Variants in WARS2 observed in about 807,000 individuals in gnomAD.
The protein encoded by WARS2 is tryptophan--tRNA ligase, mitochondrial.
In WARS2, 28 loss-of-function variants were observed where a neutral mutation model predicts 36.5. That is an observed-to-expected ratio of 0.77 (90% CI 0.57 to 1.05). WARS2 has a LOEUF of 1.05. Among genes scored for constraint, WARS2 ranks in the 50% least tolerant of loss-of-function variants. The probability of loss-of-function intolerance (pLI) is 0.00; values close to 1 mark genes in which losing one functional copy is unlikely to be tolerated. For synonymous variants in WARS2, 174 were observed against 178.4 expected (o/e 0.98, Z 0.20); for missense variants, 435 against 456.8 (o/e 0.95, Z 0.44).
intron 1 of WARS2, among the ~76,000 whole-genome samples, chr1:119,114,316 G>C (rs909350694): frequency 2.6e-5 from 4 of 152,202 alleles, no homozygotes; most frequent in African/African-American, 4.8e-5. Flanking sequence ...TGGAAGCTAT[G>C]AGTATGTGTA....
chr1:119,097,682 AT>A (rs1653537335), intron 1 of WARS2, among the ~76,000 whole-genome samples: 2 of 152,172 alleles, frequency 1.3e-5, no homozygotes. Context: ...CTTTTCCTAC[AT>A]GTCCACTACC....
intron 3 of WARS2, among the ~76,000 whole-genome samples, chr1:119,043,626 T>C (rs1648553706): frequency 6.6e-6 from 1 of 152,214 alleles, no homozygotes. Flanking sequence ...ACAAAGTTCA[T>C]GATAAAGGCT....
At chr1:119,128,387 C>T (rs1376494902) in intron 1 of WARS2, among the ~76,000 whole-genome samples, 1 of 151,934 alleles carries the variant, frequency 6.6e-6, no homozygotes, top group Non-Finnish European at 1.5e-5. Context: ...TTTATCTTAC[C>T]ATGTCACTAT....
At chr1:119,058,955 T>C (rs907580855) in intron 2 of WARS2, among the ~76,000 whole-genome samples, 2 of 152,076 alleles carry the variant, frequency 1.3e-5, no homozygotes, top group South Asian at 2.1e-4. Flanking sequence ...TTTCTCCACA[T>C]CCTCTCCAGG....
rs368451564 is a variant in WARS2 at position 119,076,450 on chromosome 1, T to C, written c.248A>G (p.Gln83Arg). Reference protein sequence around the residue: ...IVDLHSITVPQDPAVLRQSIL... With the variant: ...IVDLHSITVPRDPAVLRQSIL... ...GCTCTGCCGAAGGACAGCTGGGTCT[T>C]GGGGGACAGTAATGGAGTGGAGGTC... Residue 83 changes from glutamine (Q) to arginine (R), a missense_variant, in exon 2 of 6, where the codon CAA becomes CGA. Coordinates refer to ENST00000235521, the MANE Select transcript of WARS2 (RefSeq NM_015836.4). 4.3e-5 allele frequency: 70 copies of C among 1,614,126 alleles called. No homozygotes were observed. The African/African-American group carries it at 8.5e-4, about 20-fold the overall frequency.
At chr1:119,045,461 G>T in intron 3 of WARS2, 121 bp downstream of exon 3, 1 of 783,968 alleles carries the variant, frequency 1.3e-6, no homozygotes, top group Non-Finnish European at 2.1e-6. Flanking sequence ...GGTTAAAGAT[G>T]ATGTTCCAAC....
At chr1:119,092,718 A>T (rs1481706089) in intron 1 of WARS2, among the ~76,000 whole-genome samples, 1 of 152,228 alleles carries the variant, frequency 6.6e-6, no homozygotes, top group Non-Finnish European at 1.5e-5. Flanking sequence ...CATCACCTGA[A>T]ATAAAAATTT....
intron 2 of WARS2, among the ~76,000 whole-genome samples, chr1:119,047,180 T>A (rs1045474620): frequency 6.6e-6 from 1 of 152,204 alleles, no homozygotes; most frequent in Non-Finnish European, 1.5e-5. Context: ...ACCCTGGATG[T>A]AGGCAAGAGG....
chr1:119,037,962 T>G (rs1466858320), intron 4 of WARS2, among the ~76,000 whole-genome samples: 2 of 152,274 alleles, frequency 1.3e-5, no homozygotes, highest in Non-Finnish European at 2.9e-5. Flanking sequence ...ACTCATTCTC[T>G]GTATTTTAAT....
intron 1 of WARS2, among the ~76,000 whole-genome samples, chr1:119,111,611 T>G (rs1654641523): frequency 6.6e-6 from 1 of 152,196 alleles, no homozygotes; most frequent in South Asian, 2.1e-4. Flanking sequence ...ATATTTGTTG[T>G]GAGAACCTGG....
chr1:119,104,395 G>C (rs1477425432), intron 1 of WARS2, among the ~76,000 whole-genome samples: 2 of 150,740 alleles, frequency 1.3e-5, no homozygotes, highest in Admixed American at 6.6e-5. Flanking sequence ...TATAAATATA[G>C]AAAAGTCAAA....
At chr1:119,087,328 C>A (rs1296075762) in intron 1 of WARS2, among the ~76,000 whole-genome samples, 1 of 152,166 alleles carries the variant, frequency 6.6e-6, no homozygotes, top group Non-Finnish European at 1.5e-5. Context: ...TCCTTTCTCC[C>A]ATACTTTAGT....
At chr1:119,113,722 C>A (rs1029300748) in intron 1 of WARS2, among the ~76,000 whole-genome samples, 1 of 152,076 alleles carries the variant, frequency 6.6e-6, no homozygotes, top group African/African-American at 2.4e-5. Flanking sequence ...AGTTTACCTT[C>A]TCATGGAGAT....
chr1:119,071,104 A>G (rs1349385730), intron 2 of WARS2, among the ~76,000 whole-genome samples: 2 of 152,054 alleles, frequency 1.3e-5, no homozygotes, highest in Non-Finnish European at 2.9e-5. Flanking sequence ...AATTGTTTGA[A>G]CCCGGGAGGC....
intron 2 of WARS2, among the ~76,000 whole-genome samples, chr1:119,071,828 A>T (rs1476470130): frequency 6.6e-6 from 1 of 152,184 alleles, no homozygotes; most frequent in East Asian, 1.9e-4. Flanking sequence ...GAGGTAATAT[A>T]TATGTTATAT....
intron 2 of WARS2, among the ~76,000 whole-genome samples, chr1:119,066,925 C>T (rs1557956397): frequency 6.6e-6 from 1 of 152,084 alleles, no homozygotes; most frequent in Non-Finnish European, 1.5e-5. Context: ...CACATGTGCA[C>T]AAAAGGCAGA....
chr1:119,086,542 C>A (rs1242004553), intron 1 of WARS2, among the ~76,000 whole-genome samples: 1 of 152,082 alleles, frequency 6.6e-6, no homozygotes, highest in Non-Finnish European at 1.5e-5. Flanking sequence ...AGTGGGGGAG[C>A]TCTGGTGGGT....
chr1:119,124,498 G>GAATGA lies in WARS2; in HGVS notation c.90+16052_90+16056dup, dbSNP rs587653619. 4.2e-4 allele frequency among the ~76,000 whole-genome samples: 63 copies of GAATGA among 151,360 alleles called. No homozygotes were observed. The East Asian group carries it at 4.5e-3, about 11-fold the overall frequency. Reference sequence around the variant, plus strand: ...GAGTGAGGCTCTGTCTCAAAAATTGGAATGAAATGAAATGAAATGAAATGA... The same window carrying GAATGA: ...GAGTGAGGCTCTGTCTCAAAAATTGGAATGAAATGAAATGAAATGAAATGAAATGA... On this transcript the variant is annotated intron_variant, in intron 1 of 5. Transcript: ENST00000235521.
chr1:119,041,319 G>C (rs762145524), intron 4 of WARS2, among the ~76,000 whole-genome samples: 2 of 152,162 alleles, frequency 1.3e-5, no homozygotes, highest in Non-Finnish European at 1.5e-5. Flanking sequence ...GGCCAAATGG[G>C]GGTCAAGGGA....
Sources: gnomAD v4.1 joint callset for allele counts (sites outside exome capture counted in the v4.1 genomes callset) on GRCh38, gnomAD v4.1.1 for gene constraint, MANE v1.5 for transcripts, NCBI Gene and HGNC (gene_info 2026-07-23, HGNC 2026-07-21) for gene names.